DOCK4: variants seen among roughly 807,000 people sequenced by gnomAD.
The protein encoded by DOCK4 is dedicator of cytokinesis protein 4.
Under a neutral mutation model 268.1 loss-of-function variants are expected in DOCK4, and 97 were observed. The observed-to-expected ratio is 0.36, with a 90% CI of 0.31 to 0.43. The LOEUF (loss-of-function observed/expected upper bound fraction) is 0.43. DOCK4 is among the 20% of genes least tolerant of loss of function. The pLI is 1.00. For synonymous variants in DOCK4, 954 were observed against 887.2 expected, an observed-to-expected ratio of 1.08 and a Z score of -1.34; for missense variants, 2,145 against 2,455.7, an observed-to-expected ratio of 0.87 and a Z score of 2.67.
intron 1 of DOCK4, among the ~76,000 whole-genome samples, chr7:112,120,551 G>C (rs1178796417): frequency 6.6e-6 from 1 of 152,082 alleles, no homozygotes; most frequent in African/African-American, 2.4e-5. Context: ...ATCTAGAAGA[G>C]GACAAATTTT....
At chr7:112,102,908 CA>C (rs1180918726) in intron 1 of DOCK4, among the ~76,000 whole-genome samples, 1 of 152,136 alleles carries the variant, frequency 6.6e-6, no homozygotes, top group Non-Finnish European at 1.5e-5. Context: ...CAAAAATTAC[CA>C]TTTACACAAT....
At chr7:111,905,194 C>CA (rs1376441012) in intron 13 of DOCK4, among the ~76,000 whole-genome samples, 1 of 152,176 alleles carries the variant, frequency 6.6e-6, no homozygotes, top group Non-Finnish European at 1.5e-5. Flanking sequence ...CTGGAGAAAA[C>CA]TCATGAGTCC....
intron 1 of DOCK4, among the ~76,000 whole-genome samples, chr7:112,051,183 G>A (rs748541647): frequency 3.9e-5 from 6 of 152,070 alleles, no homozygotes; most frequent in Non-Finnish European, 8.8e-5. Context: ...AACGTAAAGG[G>A]AAATGGAATG....
chr7:112,090,943 AC>A (rs1285475068), intron 1 of DOCK4, among the ~76,000 whole-genome samples: 7 of 151,840 alleles, frequency 4.6e-5, no homozygotes, highest in Admixed American at 3.9e-4. Context: ...CTAGGCAGGG[AC>A]CCCCTGACTC....
chr7:111,825,171 A>G (rs1026129370), intron 26 of DOCK4, among the ~76,000 whole-genome samples: 5 of 152,184 alleles, frequency 3.3e-5, no homozygotes, highest in Non-Finnish European at 7.3e-5. Context: ...TTAGTTATTC[A>G]AAAGGCATCT....
intron 23 of DOCK4, among the ~76,000 whole-genome samples, chr7:111,847,968 C>A (rs994887586): frequency 6.6e-6 from 1 of 152,082 alleles, no homozygotes; most frequent in South Asian, 2.1e-4. Flanking sequence ...TGGATTTTTG[C>A]TTGGTTTTTT....
intron 1 of DOCK4, among the ~76,000 whole-genome samples, chr7:112,121,454 C>G (rs1346300908): frequency 6.6e-6 from 1 of 152,176 alleles, no homozygotes; most frequent in Non-Finnish European, 1.5e-5. Flanking sequence ...TAGACAAATC[C>G]ACAGGGGCAA....
intron 8 of DOCK4, among the ~76,000 whole-genome samples, chr7:111,976,157 A>ATATATAT (rs59353212): frequency 0.036 from 2,869 of 78,762 alleles, 288 homozygotes; most frequent in African/African-American, 0.063. Context: ...AAAAAAAAAA[A>ATATATAT]AAAAATATAT....
At chr7:112,018,183 C>CAA (rs1802021160) in intron 1 of DOCK4, among the ~76,000 whole-genome samples, 4 of 78,764 alleles carry the variant, frequency 5.1e-5, no homozygotes, top group African/African-American at 5.0e-5. Context: ...AAAAAAAACA[C>CAA]AGGCAACCAG....
chr7:111,828,888 G>GTA (rs144430528), intron 26 of DOCK4, among the ~76,000 whole-genome samples: 3,730 of 143,206 alleles, frequency 0.026, 69 homozygotes, highest in East Asian at 0.07. Flanking sequence ...GTGTGTGTGT[G>GTA]TATATATATA....
intron 8 of DOCK4, among the ~76,000 whole-genome samples, chr7:111,962,997 G>A (rs538273187): frequency 6.6e-6 from 1 of 152,266 alleles, no homozygotes; most frequent in South Asian, 2.1e-4. Context: ...AGTACCAACT[G>A]GTGGTACTCA....
intron 1 of DOCK4, among the ~76,000 whole-genome samples, chr7:112,054,385 T>C (rs1335035467): frequency 6.6e-6 from 1 of 152,132 alleles, no homozygotes. Context: ...CCATGTATCT[T>C]TACCACAACT....
At chr7:112,034,360 G>A (rs999893348) in intron 1 of DOCK4, among the ~76,000 whole-genome samples, 3 of 152,268 alleles carry the variant, frequency 2.0e-5, no homozygotes, top group South Asian at 2.1e-4. Context: ...AATCTGGCCC[G>A]TGTCCTCTGC....
At chr7:112,202,736 G>A (rs536181922) in intron 1 of DOCK4, among the ~76,000 whole-genome samples, 2 of 151,502 alleles carry the variant, frequency 1.3e-5, no homozygotes, top group Admixed American at 1.3e-4. Context: ...TCCAGCCTGG[G>A]CAACAGAGCA....
At position 111,933,358 on chromosome 7, in the gene DOCK4, G is replaced by T. The variant is rs373777657; in HGVS notation, c.1066+2182C>A. On this transcript the variant is annotated intron_variant, in intron 12 of 52. Transcript: ENST00000428084. ...TCGCCAGGCTGGAGTGCAGTGGTGC[G>T]ATCTTGGCTCACTGCAACCTCCGAC... Among the ~76,000 whole-genome samples, 17 of 143,580 alleles carry T rather than the reference G, an allele frequency of 1.2e-4. No homozygotes were observed. The Admixed American group carries it at 1.2e-3, about 10-fold the overall frequency. The allele number at this position is 143,580 out of a possible 152,430, so 94.2% of individuals were successfully genotyped here.
At chr7:112,134,448 G>A (rs752481775) in intron 1 of DOCK4, among the ~76,000 whole-genome samples, 42 of 152,170 alleles carry the variant, frequency 2.8e-4, no homozygotes, top group Non-Finnish European at 5.9e-4. Context: ...GGCTGGGCAC[G>A]GTGGCTCACG....
At chr7:111,880,211 G>A (rs1413467805) in intron 16 of DOCK4, among the ~76,000 whole-genome samples, 1 of 152,136 alleles carries the variant, frequency 6.6e-6, no homozygotes, top group Admixed American at 6.6e-5. Flanking sequence ...TAACACAATG[G>A]AGCTCCAATA....
At chr7:111,872,850 A>G (rs1265660654) in intron 17 of DOCK4, among the ~76,000 whole-genome samples, 2 of 152,172 alleles carry the variant, frequency 1.3e-5, no homozygotes, top group African/African-American at 2.4e-5. Context: ...TCTCGAGCTA[A>G]CTGTCCCTTC....
intron 13 of DOCK4, among the ~76,000 whole-genome samples, chr7:111,904,826 A>G (rs1362989881): frequency 1.3e-5 from 2 of 152,128 alleles, no homozygotes; most frequent in Non-Finnish European, 1.5e-5. Context: ...TAGGAGAGAC[A>G]ACACTACTTT....
Sources: allele counts gnomAD v4.1 joint callset (sites outside exome capture counted in the v4.1 genomes callset), GRCh38; gene constraint gnomAD v4.1.1; transcripts MANE v1.5; gene names NCBI Gene and HGNC (gene_info 2026-07-23, HGNC 2026-07-21).